Variants in HHIPL2 observed in about 807,000 individuals in gnomAD.
HHIPL2 encodes HHIP like 2.
A neutral mutation model predicts 61.0 loss-of-function variants in HHIPL2; 61 were observed. The observed-to-expected ratio is 1.00, with a 90% CI of 0.81 to 1.24. The LOEUF (loss-of-function observed/expected upper bound fraction) is 1.24. Ranked by LOEUF, HHIPL2 falls within the 50% of genes most tolerant of loss-of-function variation. The pLI is 0.00. For synonymous variants in HHIPL2, 343 were observed against 357.4 expected (o/e 0.96, Z 0.45); for missense variants, 885 against 910.2 (o/e 0.97, Z 0.36).
Position 222,538,702 on chromosome 1 carries a change from CCACGATAGA to C in HHIPL2, c.1514_1522del (p.Val505_Arg507del). 6.2e-7 allele frequency: 1 copy of C among 1,614,038 alleles called. No homozygotes were observed. The highest frequency in any genetic ancestry group is 8.5e-7 in the Non-Finnish European group (1 of 1,179,908). Reference sequence around the variant, plus strand: ...GCCATTGAGATTTGGGGATTCACAACCACGATAGACATAACCTCCAGTGACTGACTTCCC... The same window carrying C: ...GCCATTGAGATTTGGGGATTCACAACCATAACCTCCAGTGACTGACTTCCC... On this transcript the variant is annotated inframe_deletion, in exon 5 of 9. Coordinates refer to ENST00000343410, the MANE Select transcript of HHIPL2 (RefSeq NM_024746.4).
intron 1 of HHIPL2, among the ~76,000 whole-genome samples, 172 bp downstream of exon 1, chr1:222,547,551 CA>C (rs1054385295): frequency 6.6e-6 from 1 of 152,026 alleles, no homozygotes; most frequent in Non-Finnish European, 1.5e-5. Context: ...CCATGGAGAC[CA>C]AATTCAGCAC....
At chr1:222,530,743 C>A (rs1319756052) in intron 6 of HHIPL2, among the ~76,000 whole-genome samples, 1 of 127,990 alleles carries the variant, frequency 7.8e-6, no homozygotes, top group Non-Finnish European at 1.6e-5. Flanking sequence ...TAAATTTTTT[C>A]TTTTCTTGTG....
Position 222,522,419 on chromosome 1 carries a change from T to C in HHIPL2, c.*182A>G. 3.0e-6 allele frequency: 2 copies of C among 665,534 alleles called. No homozygotes were observed. 41.2% of individuals were successfully genotyped at this position (665,534 alleles called of 1,614,324 possible). On this transcript the variant is annotated 3_prime_UTR_variant, in exon 9 of 9. Transcript: ENST00000343410. ...TATGGTCTCCCACAGAAGCACTGCA[T>C]ACAGAGAAGGTGCATTTATTTATTC... is the stretch of plus-strand genomic sequence containing the variant.
intron 5 of HHIPL2, among the ~76,000 whole-genome samples, chr1:222,535,829 G>C (rs77752998): frequency 0.022 from 3,417 of 152,034 alleles, 59 homozygotes; most frequent in Non-Finnish European, 0.035. Flanking sequence ...ATCTAAAATA[G>C]AAATCAATAG....
chr1:222,540,064 C>A lies in HHIPL2; in HGVS notation c.1396G>T (p.Ala466Ser). 1 of 1,614,276 alleles carries A rather than the reference C, an allele frequency of 6.2e-7. No homozygotes were observed. Among genetic ancestry groups the A allele is most frequent in the Non-Finnish European group, 8.5e-7 (1 of 1,180,052 alleles). The change falls in exon 4 of 9, where the codon GCA (alanine) becomes TCA (serine). Residue 466 changes from alanine to serine, a missense_variant. Transcript: ENST00000343410. ...TCATAACATGCAAACCCTTCCTTTG[C>A]TCTCCAGCCATAGTTTCCACCTTTC... ...ILKGGNYGWR[A>S]KEGFACYDKK...
At chr1:222,541,010 C>T (rs552827061) in intron 3 of HHIPL2, among the ~76,000 whole-genome samples, 24 of 152,156 alleles carry the variant, frequency 1.6e-4, no homozygotes, top group African/African-American at 5.5e-4. Context: ...CTGAGGTGGG[C>T]GGATAGCTTG....
At chr1:222,544,322 C>T in intron 1 of HHIPL2, 133 bp from the exon 2 acceptor site, 1 of 920,592 alleles carries the variant, frequency 1.1e-6, no homozygotes, top group African/African-American at 1.7e-5. Context: ...TTGTTACCAA[C>T]TGCTGCTAAA....
chr1:222,540,219 T>G lies in HHIPL2; in HGVS notation c.1241A>C (p.Tyr414Ser). 1 of 1,614,258 alleles carries G rather than the reference T, an allele frequency of 6.2e-7. No individual in the cohort carries two copies. Among genetic ancestry groups the G allele is most frequent in the Middle Eastern group, 1.6e-4 (1 of 6,062 alleles). The stretch of plus-strand genomic sequence containing the variant: ...CCACATGTTCCTGATCCCATAGGCA[T>G]AGATGGCGGGGTGGGCCCCTGGCTC... ...VSEPGAHPAI[Y>S]AYGIRNMWRC... Residue 414 changes from tyrosine (Y) to serine (S), a missense_variant, in exon 4 of 9, where the codon TAT (tyrosine) becomes TCT (serine). Transcript: ENST00000343410.
chr1:222,523,558 A>G, intron 8 of HHIPL2, 54 bp downstream of exon 8: 1 of 1,519,404 alleles, frequency 6.6e-7, no homozygotes, highest in Non-Finnish European at 9.1e-7. Flanking sequence ...TGCTGAGGGC[A>G]CTGCCTTAGC....
intron 2 of HHIPL2, among the ~76,000 whole-genome samples, chr1:222,542,854 C>T (rs1246457880): frequency 2.6e-5 from 4 of 152,114 alleles, no homozygotes; most frequent in Admixed American, 2.6e-4. Flanking sequence ...ATTTAATGAG[C>T]TGTGGACCCA....
intron 8 of HHIPL2, among the ~76,000 whole-genome samples, chr1:222,523,343 A>G (rs545678532): frequency 4.6e-5 from 7 of 152,344 alleles, no homozygotes; most frequent in African/African-American, 1.7e-4. Flanking sequence ...TAAGTATGAA[A>G]TGAATGATGC....
At chr1:222,533,543 C>A (rs956419959) in intron 5 of HHIPL2, among the ~76,000 whole-genome samples, 2 of 152,098 alleles carry the variant, frequency 1.3e-5, no homozygotes, top group Non-Finnish European at 2.9e-5. Context: ...AGTAACTTTA[C>A]CCCATCTCTG....
At chr1:222,531,218 T>C (rs1009129196) in intron 6 of HHIPL2, among the ~76,000 whole-genome samples, 1 of 152,188 alleles carries the variant, frequency 6.6e-6, no homozygotes, top group African/African-American at 2.4e-5. Context: ...CTTGGCAAGG[T>C]CAGGAAAGAA....
At chr1:222,535,232 A>T (rs563819058) in intron 5 of HHIPL2, among the ~76,000 whole-genome samples, 1 of 152,318 alleles carries the variant, frequency 6.6e-6, no homozygotes, top group African/African-American at 2.4e-5. Context: ...ACCTAGTGAA[A>T]ATATCTTTCA....
At chr1:222,528,553 G>T (rs1402513067) in intron 6 of HHIPL2, among the ~76,000 whole-genome samples, 2 of 152,216 alleles carry the variant, frequency 1.3e-5, no homozygotes, top group East Asian at 3.9e-4. Context: ...GTTGCAGTGA[G>T]CCAAGACCGC....
chr1:222,523,136 A>G (rs959964797), intron 8 of HHIPL2, among the ~76,000 whole-genome samples: 1 of 152,066 alleles, frequency 6.6e-6, no homozygotes, highest in Admixed American at 6.5e-5. Context: ...CCCTGCCCCA[A>G]GGAAACATTC....
chr1:222,545,972 G>C (rs1485820948), intron 1 of HHIPL2, among the ~76,000 whole-genome samples: 2 of 152,040 alleles, frequency 1.3e-5, no homozygotes, highest in Non-Finnish European at 2.9e-5. Flanking sequence ...TTGAAGCCGG[G>C]AGGCAGAGGT....
intron 6 of HHIPL2, 61 bp from the exon 7 acceptor site, chr1:222,527,111 T>A (rs1369828219): frequency 7.7e-7 from 1 of 1,298,670 alleles, no homozygotes; most frequent in African/African-American, 1.5e-5. Flanking sequence ...GACACAGAGT[T>A]GGATGCACAG....
intron 3 of HHIPL2, 71 bp downstream of exon 3, chr1:222,541,941 C>T (rs1659440361): frequency 6.1e-6 from 9 of 1,480,648 alleles, no homozygotes; most frequent in Admixed American, 2.5e-5. Context: ...GAGTTTGATG[C>T]CATCCCTGCA....
Sources: allele counts gnomAD v4.1 joint callset (sites outside exome capture counted in the v4.1 genomes callset), GRCh38; gene constraint gnomAD v4.1.1; transcripts MANE v1.5; gene names NCBI Gene and HGNC (gene_info 2026-07-23, HGNC 2026-07-21).